DMD: variants seen among roughly 807,000 people sequenced by gnomAD.
DMD encodes the protein dystrophin.
A neutral mutation model predicts 330.1 loss-of-function variants in DMD; 63 were observed. The ratio of observed to expected loss-of-function variants is 0.19; its 90% CI spans 0.16 to 0.24. DMD has a LOEUF of 0.24. Ranked by LOEUF, DMD falls within the 10% of genes least tolerant of loss-of-function variation. The pLI, the probability that DMD is intolerant of heterozygous loss-of-function variation, is 1.00. For missense variants in DMD, 3,344 were observed against 2,684.1 expected, an observed-to-expected ratio of 1.25 and a Z score of -5.43; for synonymous variants, 1,223 against 959.8, an observed-to-expected ratio of 1.27 and a Z score of -5.07.
At chrX:31,628,266 AC>A (rs199995916) in intron 54 of DMD, among the ~76,000 whole-genome samples, 3,986 of 110,590 alleles carry the variant, frequency 0.036, 175 homozygotes, top group African/African-American at 0.12. Flanking sequence ...TTTGAGACAA[AC>A]CTTTATAGTT....
intron 44 of DMD, among the ~76,000 whole-genome samples, chrX:32,038,113 A>T (rs191930634): frequency 4.5e-5 from 5 of 112,091 alleles, no homozygotes; most frequent in East Asian, 5.6e-4. Context: ...AGATACAAAG[A>T]GGAATAAACT....
chrX:31,265,663 T>C (rs904438588), intron 62 of DMD, among the ~76,000 whole-genome samples: 8 of 109,525 alleles, frequency 7.3e-5, no homozygotes, highest in African/African-American at 2.3e-4. Flanking sequence ...ACCTTTCATA[T>C]AACCGTGTTG....
At chrX:32,571,728 C>A (rs2052442307) in intron 15 of DMD, among the ~76,000 whole-genome samples, 1 of 111,660 alleles carries the variant, frequency 9.0e-6, no homozygotes, top group African/African-American at 3.3e-5. Context: ...TTTTGTCATT[C>A]CAGCAATTCC....
rs142806340 is a variant in DMD, at chrX:32,669,251, T to C, written c.961-24099A>G. Among the ~76,000 whole-genome samples, 776 of 111,572 alleles carry C rather than the reference T, an allele frequency of 7.0e-3. 7 individuals carry two copies. Among genetic ancestry groups the C allele is most frequent in the African/African-American group, 0.023 (711 of 30,722 alleles). Reference sequence around the variant, plus strand: ...TGTTTTCCACACTTATACTTAAAAATCCCTCTCACAGCACACAAGTATACT... The same window carrying C: ...TGTTTTCCACACTTATACTTAAAAACCCCTCTCACAGCACACAAGTATACT... On this transcript the variant is annotated intron_variant, in intron 9 of 78. Transcript: ENST00000357033.
chrX:33,078,829 AATC>A (rs2094882716), intron 1 of DMD, among the ~76,000 whole-genome samples: 1 of 111,900 alleles, frequency 8.9e-6, no homozygotes, highest in South Asian at 3.7e-4. Context: ...TTAATAGTGA[AATC>A]ATATCAGAAT....
chrX:32,336,138 C>CGTGTATAACATGTTATCTGTGT (rs1569558563), intron 41 of DMD, among the ~76,000 whole-genome samples: 2 of 108,142 alleles, frequency 1.8e-5, no homozygotes, highest in Non-Finnish European at 3.8e-5. Context: ...CATGTGCATA[C>CGTGTATAACATGTTATCTGTGT]GTGTATAACA....
At chrX:33,026,217 C>G (rs1336533015) in intron 1 of DMD, among the ~76,000 whole-genome samples, 4 of 103,086 alleles carry the variant, frequency 3.9e-5, no homozygotes, top group Non-Finnish European at 7.9e-5. Context: ...CGCCTGTAGT[C>G]CCAGCTACTG....
At chrX:32,610,802 T>G (rs1297502652) in intron 12 of DMD, among the ~76,000 whole-genome samples, 1 of 111,006 alleles carries the variant, frequency 9.0e-6, no homozygotes, top group African/African-American at 3.3e-5. Flanking sequence ...GAGTTGCTTT[T>G]GTGGGGACTC....
intron 11 of DMD, among the ~76,000 whole-genome samples, chrX:32,628,379 C>A (rs1226598906): frequency 1.0e-5 from 1 of 97,011 alleles, no homozygotes; most frequent in Non-Finnish European, 2.0e-5. Context: ...CCTCCAGTTC[C>A]ATCCATGTTG....
chrX:31,251,760 TA>T (rs2049389367), intron 63 of DMD, among the ~76,000 whole-genome samples: 2 of 112,487 alleles, frequency 1.8e-5, no homozygotes, highest in Non-Finnish European at 3.7e-5. Context: ...AATGTCTGAA[TA>T]AGAGCAGACA....
intron 11 of DMD, among the ~76,000 whole-genome samples, chrX:32,640,370 C>T (rs1200979758): frequency 9.1e-6 from 1 of 109,533 alleles, no homozygotes; most frequent in African/African-American, 3.3e-5. Context: ...TATATTGCCC[C>T]AGTTCACATA....
At chrX:31,253,472 C>T (rs2049611549) in intron 63 of DMD, among the ~76,000 whole-genome samples, 2 of 111,485 alleles carry the variant, frequency 1.8e-5, no homozygotes, top group Admixed American at 9.5e-5. Context: ...CAGTTTCTAA[C>T]CCAAGAGCAT....
intron 2 of DMD, among the ~76,000 whole-genome samples, chrX:33,000,759 CAT>C (rs1478189938): frequency 1.8e-5 from 2 of 110,759 alleles, no homozygotes; most frequent in Non-Finnish European, 3.8e-5. Flanking sequence ...TTTTGTTTTA[CAT>C]ATAGTTAAAT....
chrX:32,852,498 C>T (rs1332019897), intron 2 of DMD, among the ~76,000 whole-genome samples: 1 of 110,899 alleles, frequency 9.0e-6, no homozygotes, highest in Non-Finnish European at 1.9e-5. Flanking sequence ...ACTCCTTGTG[C>T]TTTTGGAAAG....
intron 1 of DMD, among the ~76,000 whole-genome samples, chrX:33,267,413 T>C (rs978597505): frequency 1.6e-4 from 18 of 111,269 alleles, no homozygotes; most frequent in Non-Finnish European, 3.2e-4. Flanking sequence ...ATAATTAAAA[T>C]GGCTATACTG....
chrX:31,224,075 C>T (rs770109137), intron 63 of DMD, among the ~76,000 whole-genome samples: 3 of 111,520 alleles, frequency 2.7e-5, no homozygotes, highest in Non-Finnish European at 5.6e-5. Context: ...TTGATAGATA[C>T]TGGGCTACAT....
At chrX:31,932,768 G>GTACA (rs201834881) in intron 45 of DMD, among the ~76,000 whole-genome samples, 149 of 111,343 alleles carry the variant, frequency 1.3e-3, no homozygotes, top group Admixed American at 3.1e-3. Flanking sequence ...ACATACGTAC[G>GTACA]TACATACATA....
chrX:32,966,528 A>C (rs1046156263), intron 2 of DMD, among the ~76,000 whole-genome samples: 5 of 111,839 alleles, frequency 4.5e-5, no homozygotes, highest in African/African-American at 1.6e-4. Flanking sequence ...CAGCAACTCT[A>C]CTATGCCTCC....
chrX:32,895,498 C>T (rs1437374326), intron 2 of DMD, among the ~76,000 whole-genome samples: 1 of 111,504 alleles, frequency 9.0e-6, no homozygotes, highest in Non-Finnish European at 1.9e-5. Context: ...TGCTAATCCA[C>T]ACCTGGAGTT....
Sources: gnomAD v4.1 joint callset for allele counts (sites outside exome capture counted in the v4.1 genomes callset) on GRCh38, gnomAD v4.1.1 for gene constraint, MANE v1.5 for transcripts, NCBI Gene and HGNC (gene_info 2026-07-23, HGNC 2026-07-21) for gene names.